AGPS: variants seen among roughly 807,000 people sequenced by gnomAD.
AGPS encodes the protein alkylglycerone phosphate synthase, also known as alkyldihydroxyacetonephosphate synthase, peroxisomal.
In AGPS, 26 loss-of-function variants were observed where a neutral mutation model predicts 90.7. The observed-to-expected ratio is 0.29, with a 90% CI of 0.21 to 0.40. AGPS has a LOEUF of 0.40. AGPS is among the 10% of genes least tolerant of loss of function. The pLI, the probability that AGPS is intolerant of heterozygous loss-of-function variation, is 1.00. For missense variants in AGPS, 540 were observed against 816.1 expected, an observed-to-expected ratio of 0.66 and a Z score of 4.12; for synonymous variants, 294 against 285.3, an observed-to-expected ratio of 1.03 and a Z score of -0.31.
At chr2:177,465,031 A>G (rs983040812) in intron 9 of AGPS, among the ~76,000 whole-genome samples, 12 of 152,220 alleles carry the variant, frequency 7.9e-5, no homozygotes, top group African/African-American at 2.2e-4. Context: ...ATAGCTGGGC[A>G]TGGTAGTTCA....
intron 10 of AGPS, among the ~76,000 whole-genome samples, chr2:177,481,543 C>CT (rs1464185249): frequency 6.6e-6 from 1 of 151,362 alleles, no homozygotes; most frequent in East Asian, 1.9e-4. Context: ...TCAGTAATGC[C>CT]TTTATCTTTT....
intron 2 of AGPS, among the ~76,000 whole-genome samples, chr2:177,433,240 C>T (rs1479592745): frequency 6.6e-6 from 1 of 152,126 alleles, no homozygotes; most frequent in Non-Finnish European, 1.5e-5. Flanking sequence ...CTTGAACTGG[C>T]TTTCAAAATG....
intron 16 of AGPS, among the ~76,000 whole-genome samples, chr2:177,510,473 AGT>A (rs1688838339): frequency 6.6e-6 from 1 of 152,224 alleles, no homozygotes; most frequent in African/African-American, 2.4e-5. Flanking sequence ...ACAGTGGATT[AGT>A]GCAATGCTAC....
chr2:177,435,367 C>T (rs574539858), intron 3 of AGPS, among the ~76,000 whole-genome samples: 1 of 152,174 alleles, frequency 6.6e-6, no homozygotes, highest in East Asian at 1.9e-4. Flanking sequence ...TCCTAGACGT[C>T]TCTTATCTCT....
intron 1 of AGPS, among the ~76,000 whole-genome samples, chr2:177,409,230 TG>T (rs1178576741): frequency 7.7e-6 from 1 of 130,438 alleles, no homozygotes; most frequent in Non-Finnish European, 1.5e-5. Context: ...TGTTTTGTTT[TG>T]TTTTTTTTTC....
intron 7 of AGPS, 129 bp downstream of exon 7, chr2:177,442,615 G>A: frequency 1.4e-6 from 1 of 724,960 alleles, no homozygotes; most frequent in Non-Finnish European, 2.3e-6. Flanking sequence ...GGGAGGCTGA[G>A]GTGGGTGGAT....
At chr2:177,520,676 A>T (rs1389716429) in intron 17 of AGPS, among the ~76,000 whole-genome samples, 1 of 152,260 alleles carries the variant, frequency 6.6e-6, no homozygotes, top group Non-Finnish European at 1.5e-5. Context: ...TACAAGTCAC[A>T]TGAAGAACTT....
intron 1 of AGPS, among the ~76,000 whole-genome samples, chr2:177,400,507 T>G (rs1685303235): frequency 6.6e-6 from 1 of 152,230 alleles, no homozygotes; most frequent in African/African-American, 2.4e-5. Flanking sequence ...ATACGCTTAC[T>G]CATTGAAAAA....
chr2:177,538,244 C>A lies in AGPS; in HGVS notation c.*49C>A. Reference sequence around the variant, plus strand: ...AATGTCAATTTTTTTTTTAAGTTTTCAACTGTGGTTATACTAGTAATCAAA... The same window carrying A: ...AATGTCAATTTTTTTTTTAAGTTTTAAACTGTGGTTATACTAGTAATCAAA... On this transcript the variant is annotated 3_prime_UTR_variant, in exon 20 of 20. Coordinates refer to ENST00000264167, the MANE Select transcript of AGPS (RefSeq NM_003659.4). 6.4e-7 allele frequency: 1 copy of A among 1,568,458 alleles called. No individual in the cohort carries two copies. The highest frequency in any genetic ancestry group is 8.8e-7 in the Non-Finnish European group (1 of 1,140,052).
At chr2:177,424,100 G>A (rs1049222205) in intron 2 of AGPS, among the ~76,000 whole-genome samples, 1 of 152,092 alleles carries the variant, frequency 6.6e-6, no homozygotes, top group Non-Finnish European at 1.5e-5. Context: ...TTTTCCTGAT[G>A]CTCTCCCTCC....
chr2:177,481,590 A>G (rs1020865107), intron 10 of AGPS, among the ~76,000 whole-genome samples: 2 of 151,766 alleles, frequency 1.3e-5, no homozygotes, highest in South Asian at 2.1e-4. Context: ...GCAAGATAAT[A>G]TTTCCTCAGA....
chr2:177,512,370 T>C (rs1281112871), intron 16 of AGPS, among the ~76,000 whole-genome samples: 4 of 152,146 alleles, frequency 2.6e-5, no homozygotes, highest in Non-Finnish European at 5.9e-5. Flanking sequence ...AAGAACATTG[T>C]TTTATAAAAT....
intron 1 of AGPS, among the ~76,000 whole-genome samples, chr2:177,408,918 C>T (rs566416030): frequency 9.9e-5 from 15 of 152,246 alleles, no homozygotes; most frequent in African/African-American, 3.6e-4. Context: ...TCTGAGGGTG[C>T]TAGAAATTGT....
intron 10 of AGPS, among the ~76,000 whole-genome samples, chr2:177,480,633 G>A (rs888802448): frequency 2.1e-4 from 32 of 152,090 alleles, no homozygotes; most frequent in African/African-American, 7.2e-4. Flanking sequence ...TGTAAATGAT[G>A]AGTTAATGGG....
intron 2 of AGPS, among the ~76,000 whole-genome samples, chr2:177,430,543 T>C (rs1686211652): frequency 6.6e-6 from 1 of 151,968 alleles, no homozygotes. Context: ...GTGGGAGAAG[T>C]GTGGTTTCCC....
Position 177,436,676 on chromosome 2 carries a change from G to A in AGPS, c.442-88G>A, listed in dbSNP as rs116237975. The A allele has an allele frequency of 0.012, 15,334 of 1,318,552 alleles. 108 individuals carry two copies. Among genetic ancestry groups the A allele is most frequent in the Non-Finnish European group, 0.014 (12,946 of 923,278 alleles). The allele number at this position is 1,318,552 out of a possible 1,614,324, so 81.7% of individuals were successfully genotyped here. A position where few individuals can be genotyped will look rare whatever the true frequency, so the allele number is the denominator to read the frequency against. The stretch of plus-strand genomic sequence containing the variant: ...CCTTACTTTGAATGTTTAAAAAAAA[G>A]TCTACATTTTATAGTCATTCTCTCT... On this transcript the variant is annotated intron_variant, in intron 3 of 19. Coordinates refer to ENST00000264167, the MANE Select transcript of AGPS (RefSeq NM_003659.4).
In AGPS at chr2:177,434,320, A is replaced by G. The variant is rs1328847630; in HGVS notation, c.351-7A>G. 6.3e-7 allele frequency: 1 copy of G among 1,594,552 alleles called. No homozygotes were observed. The highest frequency in any genetic ancestry group is 1.7e-5 in the Admixed American group (1 of 59,556). On this transcript the variant is annotated splice_polypyrimidine_tract_variant and splice_region_variant and intron_variant, in intron 2 of 19. Coordinates refer to ENST00000264167, the MANE Select transcript of AGPS (RefSeq NM_003659.4). ...GCTCTAATATTTTTACTTTCTTTGT[A>G]CCTTAGGTACCCTCTTAGTGGCATG...
chr2:177,418,389 T>C (rs16865229), intron 1 of AGPS, among the ~76,000 whole-genome samples: 17,021 of 152,070 alleles, frequency 0.11, 1,226 homozygotes, highest in East Asian at 0.34. Flanking sequence ...AGTTTTTAAA[T>C]TCTAGGGATA....
chr2:177,459,917 A>C (rs1024488406), intron 8 of AGPS, among the ~76,000 whole-genome samples: 1 of 152,242 alleles, frequency 6.6e-6, no homozygotes, highest in Non-Finnish European at 1.5e-5. Flanking sequence ...AACCAACCCA[A>C]ATGTCCATCA....
Sources: gnomAD v4.1 joint callset for allele counts (sites outside exome capture counted in the v4.1 genomes callset) on GRCh38, gnomAD v4.1.1 for gene constraint, MANE v1.5 for transcripts, NCBI Gene and HGNC (gene_info 2026-07-23, HGNC 2026-07-21) for gene names.